The following RGS7 variants were observed in gnomAD, a reference collection of about 807,000 sequenced individuals.
RGS7 encodes the protein regulator of G protein signaling 7, also known as regulator of G-protein signaling 7.
Under a neutral mutation model 81.1 loss-of-function variants are expected in RGS7, and 27 were observed. The observed-to-expected ratio is 0.33, with a 90% CI of 0.25 to 0.46. RGS7 has a LOEUF of 0.46. Among genes scored for constraint, RGS7 ranks in the 20% least tolerant of loss-of-function variants. RGS7 has a pLI of 1.00. For synonymous variants in RGS7, 208 were observed against 207.7 expected, an observed-to-expected ratio of 1.00 and a Z score of -0.01; for missense variants, 396 against 607.4, an observed-to-expected ratio of 0.65 and a Z score of 3.66.
At chr1:240,935,679 C>T (rs992494291) in intron 5 of RGS7, among the ~76,000 whole-genome samples, 2 of 152,152 alleles carry the variant, frequency 1.3e-5, no homozygotes, top group African/African-American at 4.8e-5. Context: ...ATTTTTAAAG[C>T]ATATTTCCTC....
chr1:240,812,260 A>C (rs959656290), intron 13 of RGS7, among the ~76,000 whole-genome samples: 1 of 152,088 alleles, frequency 6.6e-6, no homozygotes, highest in Non-Finnish European at 1.5e-5. Context: ...TGTGCCAGGC[A>C]CTTTACATAA....
At chr1:240,822,479 T>C (rs1238058568) in intron 10 of RGS7, among the ~76,000 whole-genome samples, 1 of 152,188 alleles carries the variant, frequency 6.6e-6, no homozygotes, top group Non-Finnish European at 1.5e-5. Context: ...TTTCTAATAA[T>C]AATGCACAAA....
intron 9 of RGS7, among the ~76,000 whole-genome samples, chr1:240,862,243 G>C (rs1042326035): frequency 1.3e-5 from 2 of 151,876 alleles, no homozygotes; most frequent in Non-Finnish European, 2.9e-5. Flanking sequence ...GTGTCAATCC[G>C]ACCTAAAAGT....
At chr1:240,828,289 GGA>G (rs1460454058) in intron 9 of RGS7, among the ~76,000 whole-genome samples, 3 of 152,112 alleles carry the variant, frequency 2.0e-5, no homozygotes, top group African/African-American at 7.2e-5. Context: ...ATTTGGAGGA[GGA>G]GAGGGGAGGA....
intron 2 of RGS7, among the ~76,000 whole-genome samples, chr1:241,176,877 CTT>C (rs2071187928): frequency 6.6e-6 from 1 of 152,126 alleles, no homozygotes; most frequent in African/African-American, 2.4e-5. Flanking sequence ...GTGAGGCACT[CTT>C]CAGCAAAAGG....
chr1:240,889,578 T>C (rs1033313690), intron 6 of RGS7, among the ~76,000 whole-genome samples: 1 of 152,182 alleles, frequency 6.6e-6, no homozygotes, highest in African/African-American at 2.4e-5. Flanking sequence ...TCTCCGCTTC[T>C]AGGAGGCGAC....
intron 2 of RGS7, among the ~76,000 whole-genome samples, chr1:241,234,427 C>T (rs868685167): frequency 2.0e-5 from 3 of 152,172 alleles, no homozygotes; most frequent in South Asian, 2.1e-4. Context: ...CGGGCAGCTC[C>T]CAGAAACCTT....
chr1:240,900,965 T>G (rs1038355248), intron 6 of RGS7, among the ~76,000 whole-genome samples: 1 of 148,742 alleles, frequency 6.7e-6, no homozygotes, highest in Non-Finnish European at 1.5e-5. Flanking sequence ...CCTGGCCGAT[T>G]TGTTTACCTA....
rs10649049 is a variant in RGS7, at chr1:241,030,375, C to CAT, written c.176-47248_176-47247dup. 3.1e-3 allele frequency among the ~76,000 whole-genome samples: 297 copies of CAT among 97,252 alleles called. 13 individuals carry two copies. The highest frequency in any genetic ancestry group is 7.4e-3 in the South Asian group (23 of 3,128). 63.8% of individuals were successfully genotyped at this position (97,252 alleles called of 152,430 possible). A position where few individuals can be genotyped will look rare whatever the true frequency, so the allele number is the denominator to read the frequency against. The stretch of plus-strand genomic sequence containing the variant: ...AGAACTTATAGCATATATATATATA[C>CAT]ATACACACATACATACACACACACA... On this transcript the variant is annotated intron_variant, in intron 3 of 18. Transcript: ENST00000440928.
In RGS7 at chr1:241,139,521, A is replaced by G. The variant is rs543116217; in HGVS notation, c.79-40759T>C. On this transcript the variant is annotated intron_variant, in intron 2 of 18. Transcript: ENST00000440928. ...CCTTTGGGTAAATAGTGGATATTTGAAAGTGGAATCATTGGATCAAATGGT... is the reference window on the plus strand; with the variant it reads ...CCTTTGGGTAAATAGTGGATATTTGGAAGTGGAATCATTGGATCAAATGGT... Among the ~76,000 whole-genome samples the G allele has an allele frequency of 7.3e-4, 111 of 152,292 alleles. 1 individual carries two copies. Among genetic ancestry groups the G allele is most frequent in the African/African-American group, 2.6e-3 (106 of 41,550 alleles).
At chr1:240,982,613 C>T (rs1440671948) in intron 4 of RGS7, among the ~76,000 whole-genome samples, 1 of 151,976 alleles carries the variant, frequency 6.6e-6, no homozygotes, top group Admixed American at 6.6e-5. Flanking sequence ...TTCTCTCTCT[C>T]TCACACACAC....
At position 241,144,926 on chromosome 1, in the gene RGS7, G is replaced by GGTGTGTGTGTGTGT. The variant is rs58610723; in HGVS notation, c.79-46178_79-46165dup. Among the ~76,000 whole-genome samples, 217 of 141,964 alleles carry GGTGTGTGTGTGTGT rather than the reference G, an allele frequency of 1.5e-3. 1 individual carries two copies. Among genetic ancestry groups the GGTGTGTGTGTGTGT allele is most frequent in the African/African-American group, 5.4e-3 (201 of 37,412 alleles). The allele number at this position is 141,964 out of a possible 152,430, so 93.1% of individuals were successfully genotyped here. A position where few individuals can be genotyped will look rare whatever the true frequency, so the allele number is the denominator to read the frequency against. ...TCAGTATGTGTTGGCAGGGCAGGAT[G>GGTGTGTGTGTGTGT]GTGTGTGTGTGTGTGTGTGTGTGTG... On this transcript the variant is annotated intron_variant, in intron 2 of 18. Transcript: ENST00000440928. This position sits in a 1 kb window ranked among gnomAD's most constrained non-coding sequence, Gnocchi z 4.7.
intron 2 of RGS7, among the ~76,000 whole-genome samples, chr1:241,257,611 T>C (rs946804916): frequency 9.9e-5 from 15 of 152,206 alleles, no homozygotes; most frequent in African/African-American, 3.6e-4. Context: ...GGGAATTAAA[T>C]TCTGTCCAAA....
At chr1:241,130,470 C>A (rs1163827088) in intron 2 of RGS7, among the ~76,000 whole-genome samples, 1 of 151,954 alleles carries the variant, frequency 6.6e-6, no homozygotes, top group African/African-American at 2.4e-5. Flanking sequence ...AATGAATTTG[C>A]TATTCTGCTT....
At chr1:241,033,924 C>A (rs611784) in intron 3 of RGS7, among the ~76,000 whole-genome samples, 63,681 of 151,836 alleles carry the variant, frequency 0.42, 13,709 homozygotes, top group Middle Eastern at 0.49. Context: ...CAGAACTTCT[C>A]ACAGCCTTAA....
At chr1:241,259,650 C>CAAAAAAAAAAAAAAA (rs71571832) in intron 2 of RGS7, among the ~76,000 whole-genome samples, 14 of 39,900 alleles carry the variant, frequency 3.5e-4, no homozygotes, top group South Asian at 1.1e-3. Context: ...AACTCCGTCT[C>CAAAAAAAAAAAAAAA]AAAAAAAAAA....
chr1:241,130,539 A>G (rs2103035968), intron 2 of RGS7, among the ~76,000 whole-genome samples: 1 of 152,272 alleles, frequency 6.6e-6, no homozygotes, highest in South Asian at 2.1e-4. Flanking sequence ...TCAATTGTCC[A>G]TGTCTGTTAG....
At chr1:241,022,439 T>G (rs955605206) in intron 3 of RGS7, among the ~76,000 whole-genome samples, 1 of 152,236 alleles carries the variant, frequency 6.6e-6, no homozygotes, top group Non-Finnish European at 1.5e-5. Flanking sequence ...CTAGAAATTA[T>G]AGTTTAGGAG....
chr1:240,840,852 T>C (rs1231967538), intron 9 of RGS7, among the ~76,000 whole-genome samples: 6 of 152,220 alleles, frequency 3.9e-5, no homozygotes, highest in Non-Finnish European at 7.3e-5. Context: ...TCAATGAATG[T>C]TTATTGAATG....
Sources: gnomAD v4.1 joint callset for allele counts (sites outside exome capture counted in the v4.1 genomes callset) on GRCh38, gnomAD v4.1.1 for gene constraint, Gnocchi (gnomAD v3.1) non-coding constraint, MANE v1.5 for transcripts, NCBI Gene and HGNC (gene_info 2026-07-23, HGNC 2026-07-21) for gene names.